The following LRBA variants were observed in gnomAD, a reference collection of about 807,000 sequenced individuals.
LRBA encodes the protein lipopolysaccharide-responsive and beige-like anchor protein.
In LRBA, 176 loss-of-function variants were observed where a neutral mutation model predicts 330.0. The observed-to-expected ratio is 0.53, with a 90% confidence interval of 0.47 to 0.60. The LOEUF (loss-of-function observed/expected upper bound fraction) is 0.60. Among genes scored for constraint, LRBA ranks in the 20% least tolerant of loss-of-function variants. The pLI is 0.00. For missense variants in LRBA, 3,259 were observed against 3,444.8 expected (o/e 0.95, Z 1.35); for synonymous variants, 1,230 against 1,193.0 (o/e 1.03, Z -0.64).
rs189066739 is a variant in LRBA at position 150,604,794 on chromosome 4, C to A, written c.5922-5663G>T. On this transcript the variant is annotated intron_variant, in intron 37 of 56. Transcript: ENST00000651943. ...AGTGCTAGGAGAATACTACCTTTAC[C>A]CACACATCCCCCAGTTCCCCTGCCC... Among the ~76,000 whole-genome samples the A allele has an allele frequency of 2.8e-4, 42 of 152,176 alleles. 1 individual carries two copies. The highest frequency in any genetic ancestry group is 9.4e-4 in the African/African-American group (39 of 41,528).
At chr4:150,350,826 T>C (rs1363165948) in intron 47 of LRBA, among the ~76,000 whole-genome samples, 1 of 152,194 alleles carries the variant, frequency 6.6e-6, no homozygotes, top group Non-Finnish European at 1.5e-5. Flanking sequence ...AAGACTATTT[T>C]GGGAAACTAA....
chr4:150,797,988 C>A, intron 34 of LRBA, 93 bp downstream of exon 34: 1 of 785,416 alleles, frequency 1.3e-6, no homozygotes, highest in South Asian at 1.9e-5. Context: ...TTTATTATAC[C>A]AAAAATTTCA....
chr4:150,963,218 G>A lies in LRBA; in HGVS notation c.217-34153C>T, dbSNP rs909422846. Reference sequence around the variant, plus strand: ...ACGGTCCTCGTCTCCCCTTTGCACGGTCTCCCTCTGATGCCGAGCCGAGGC... The same window carrying A: ...ACGGTCCTCGTCTCCCCTTTGCACGATCTCCCTCTGATGCCGAGCCGAGGC... On this transcript the variant is annotated intron_variant, in intron 2 of 56. Transcript: ENST00000651943. 5.4e-5 allele frequency among the ~76,000 whole-genome samples: 8 copies of A among 148,128 alleles called. 1 individual carries two copies. Among genetic ancestry groups the A allele is most frequent in the Admixed American group, 4.0e-4 (6 of 15,138 alleles).
chr4:150,383,024 T>C (rs765841094), intron 47 of LRBA, among the ~76,000 whole-genome samples: 2 of 152,220 alleles, frequency 1.3e-5, no homozygotes, highest in Non-Finnish European at 2.9e-5. Flanking sequence ...ATCAGGTTTA[T>C]GAATATTTAT....
At chr4:150,469,445 C>T (rs1581406259) in intron 43 of LRBA, among the ~76,000 whole-genome samples, 1 of 152,156 alleles carries the variant, frequency 6.6e-6, no homozygotes, top group Admixed American at 6.5e-5. Context: ...CACATGATTT[C>T]ATAAATGTTG....
intron 17 of LRBA, among the ~76,000 whole-genome samples, chr4:150,875,245 C>G (rs1316174643): frequency 1.3e-5 from 2 of 152,210 alleles, no homozygotes; most frequent in Non-Finnish European, 2.9e-5. Context: ...TCCCACCATT[C>G]CGGTGCAGAA....
Position 150,798,090 on chromosome 4 carries a change from C to T in LRBA, c.5571G>A (p.Leu1857=), listed in dbSNP as rs1741061229. 1.9e-6 allele frequency: 3 copies of T among 1,604,594 alleles called. No homozygotes were observed. In the East Asian group the frequency reaches 6.7e-5, roughly 36 times the overall value. ...TATTCTTGCCACTCACCTGAGAACA[C>T]AGTAGCATAACCAATTCCACAACTG... is the stretch of plus-strand genomic sequence containing the variant. ...SSSVVELVML[L]CSQEWQNSIQ... Residue 1857 remains leucine, a synonymous_variant, in exon 34 of 57, where the codon CTG becomes CTA. Coordinates refer to ENST00000651943, the MANE Select transcript of LRBA (RefSeq NM_001364905.1).
intron 2 of LRBA, among the ~76,000 whole-genome samples, chr4:150,929,290 A>C (rs1458575703): frequency 6.6e-6 from 1 of 152,238 alleles, no homozygotes; most frequent in African/African-American, 2.4e-5. Context: ...CAACAAAAAC[A>C]AATATAGGAT....
chr4:150,867,157 T>C (rs1347865879), intron 22 of LRBA, among the ~76,000 whole-genome samples: 2 of 151,758 alleles, frequency 1.3e-5, no homozygotes, highest in Non-Finnish European at 2.9e-5. Context: ...AACCCAGTTT[T>C]TAGCTACCTG....
At chr4:150,471,399 A>G (rs1234593607) in intron 43 of LRBA, among the ~76,000 whole-genome samples, 1 of 152,138 alleles carries the variant, frequency 6.6e-6, no homozygotes, top group Non-Finnish European at 1.5e-5. Context: ...TTTTTACTGA[A>G]TCTATATCCC....
At chr4:150,725,040 C>A (rs891793838) in intron 36 of LRBA, among the ~76,000 whole-genome samples, 1 of 151,298 alleles carries the variant, frequency 6.6e-6, no homozygotes, top group Admixed American at 6.6e-5. Flanking sequence ...AGCTTGAAGA[C>A]AGGCTATTTG....
At chr4:150,421,214 ATATT>A (rs2151964149) in intron 46 of LRBA, among the ~76,000 whole-genome samples, 1 of 137,640 alleles carries the variant, frequency 7.3e-6, no homozygotes, top group African/African-American at 2.7e-5. Context: ...TATAAAGTAT[ATATT>A]ATACACATAT....
intron 40 of LRBA, among the ~76,000 whole-genome samples, chr4:150,494,872 C>A (rs540694487): frequency 6.6e-6 from 1 of 151,950 alleles, no homozygotes; most frequent in Admixed American, 6.6e-5. Context: ...TGGTTGCGGG[C>A]GCCTGTAGTC....
chr4:150,412,023 A>C (rs1436881547), intron 47 of LRBA, among the ~76,000 whole-genome samples: 1 of 152,212 alleles, frequency 6.6e-6, no homozygotes, highest in Non-Finnish European at 1.5e-5. Flanking sequence ...TATTGTAAGG[A>C]AACTTTGTTC....
At chr4:150,654,637 C>T (rs1315008863) in intron 37 of LRBA, among the ~76,000 whole-genome samples, 2 of 152,152 alleles carry the variant, frequency 1.3e-5, no homozygotes, top group Non-Finnish European at 2.9e-5. Context: ...TGGTGTGCTG[C>T]ACCTATTAAC....
chr4:150,605,258 C>T (rs559114535), intron 37 of LRBA, among the ~76,000 whole-genome samples: 1 of 152,266 alleles, frequency 6.6e-6, no homozygotes, highest in South Asian at 2.1e-4. Context: ...TCTATCATCT[C>T]ACTGGTTTTA....
intron 2 of LRBA, among the ~76,000 whole-genome samples, chr4:151,009,539 C>T (rs1744556736): frequency 1.4e-5 from 2 of 141,588 alleles, no homozygotes; most frequent in Admixed American, 1.4e-4. Flanking sequence ...GGGAGCAAGA[C>T]TCTGTCTCAA....
chr4:150,877,049 C>T (rs1479580357), intron 17 of LRBA, among the ~76,000 whole-genome samples: 4 of 151,914 alleles, frequency 2.6e-5, no homozygotes, highest in African/African-American at 4.8e-5. Context: ...GTCAGGAGAT[C>T]GAGACCATCC....
chr4:150,863,003 C>T (rs1229018487), intron 22 of LRBA, among the ~76,000 whole-genome samples: 5 of 152,120 alleles, frequency 3.3e-5, no homozygotes, highest in East Asian at 1.9e-4. Flanking sequence ...CACACACACA[C>T]ACACACACAT....
Sources: allele counts gnomAD v4.1 joint callset (sites outside exome capture counted in the v4.1 genomes callset), GRCh38; gene constraint gnomAD v4.1.1; transcripts MANE v1.5; gene names NCBI Gene and HGNC (gene_info 2026-07-23, HGNC 2026-07-21).